The following ASB3 variants were observed in gnomAD, a reference collection of about 807,000 sequenced individuals.
The protein encoded by ASB3 is ankyrin repeat and SOCS box protein 3.
ASB3 carries 41 observed loss-of-function variants against 54.5 expected under a neutral mutation model. That is an observed-to-expected ratio of 0.75 (90% CI 0.59 to 0.98). The LOEUF (loss-of-function observed/expected upper bound fraction) is 0.98. Ranked by LOEUF, ASB3 falls within the 50% of genes least tolerant of loss-of-function variation. The pLI, the probability that ASB3 is intolerant of heterozygous loss-of-function variation, is 0.00. For missense variants in ASB3, 733 were observed against 620.0 expected, an observed-to-expected ratio of 1.18 and a Z score of -1.94; for synonymous variants, 266 against 221.2, an observed-to-expected ratio of 1.20 and a Z score of -1.80.
At chr2:53,755,178 G>C (rs987513902) in intron 2 of ASB3, among the ~76,000 whole-genome samples, 1 of 152,200 alleles carries the variant, frequency 6.6e-6, no homozygotes, top group Non-Finnish European at 1.5e-5. Context: ...TTCACAACTT[G>C]TGAGTTATTT....
rs534443425 is a variant in ASB3 at position 53,781,652 on chromosome 2, C to T, written c.-14+5169G>A. Among the ~76,000 whole-genome samples the T allele has an allele frequency of 9.2e-5, 14 of 152,172 alleles. No homozygotes were observed. In the South Asian group the frequency reaches 2.7e-3, roughly 29 times the overall value. Reference sequence around the variant, plus strand: ...CTGAGATTACAGGCATGAGCCACCACGCCTGTCTAATTTTCTATTTTCAGG... The same window carrying T: ...CTGAGATTACAGGCATGAGCCACCATGCCTGTCTAATTTTCTATTTTCAGG... On this transcript the variant is annotated intron_variant, in intron 1 of 9. Coordinates refer to ENST00000263634, the MANE Select transcript of ASB3 (RefSeq NM_016115.5).
At chr2:53,729,132 G>A (rs1436750944) in intron 4 of ASB3, among the ~76,000 whole-genome samples, 1 of 151,980 alleles carries the variant, frequency 6.6e-6, no homozygotes, top group Non-Finnish European at 1.5e-5. Context: ...AAAGCACTAA[G>A]GAGCCATCAC....
At chr2:53,734,665 T>C (rs561039534) in intron 3 of ASB3, among the ~76,000 whole-genome samples, 3 of 152,200 alleles carry the variant, frequency 2.0e-5, no homozygotes, top group African/African-American at 7.2e-5. Flanking sequence ...AAAATCATCA[T>C]CAAATTCAAT....
At chr2:53,780,417 AT>A (rs1370263935) in intron 1 of ASB3, among the ~76,000 whole-genome samples, 1 of 152,138 alleles carries the variant, frequency 6.6e-6, no homozygotes, top group Admixed American at 6.6e-5. Context: ...GCTATCAAGA[AT>A]CATATTTGGT....
intron 3 of ASB3, among the ~76,000 whole-genome samples, chr2:53,750,099 G>A (rs761659117): frequency 6.6e-6 from 1 of 152,004 alleles, no homozygotes; most frequent in African/African-American, 2.4e-5. Flanking sequence ...CAAATTACAT[G>A]TGGCAGGACC....
At chr2:53,671,988 G>A (rs1263408745) in intron 9 of ASB3, among the ~76,000 whole-genome samples, 1 of 152,166 alleles carries the variant, frequency 6.6e-6, no homozygotes, top group Non-Finnish European at 1.5e-5. Flanking sequence ...CAGCTAGTCT[G>A]ATTCCAGGTA....
At chr2:53,769,674 C>G (rs1354888449) in intron 1 of ASB3, among the ~76,000 whole-genome samples, 3 of 152,174 alleles carry the variant, frequency 2.0e-5, no homozygotes, top group Non-Finnish European at 4.4e-5. Context: ...TGGAGAAACC[C>G]CCTGTCTACT....
chr2:53,734,339 T>C (rs1671495149), intron 3 of ASB3, among the ~76,000 whole-genome samples: 1 of 152,220 alleles, frequency 6.6e-6, no homozygotes, highest in South Asian at 2.1e-4. Flanking sequence ...TTCCTTTCCC[T>C]AAAAATAAAA....
intron 2 of ASB3, among the ~76,000 whole-genome samples, chr2:53,759,801 C>T (rs575444939): frequency 2.0e-5 from 3 of 152,252 alleles, no homozygotes; most frequent in South Asian, 2.1e-4. Flanking sequence ...CCCCAGGGGA[C>T]GAAGGTCCTC....
chr2:53,731,172 C>A (rs189567411), intron 3 of ASB3, among the ~76,000 whole-genome samples: 1 of 152,150 alleles, frequency 6.6e-6, no homozygotes, highest in Admixed American at 6.5e-5. Flanking sequence ...GAGGCTAAGG[C>A]GGGTGGACCA....
At chr2:53,680,959 G>C (rs929396914) in intron 9 of ASB3, among the ~76,000 whole-genome samples, 1 of 150,668 alleles carries the variant, frequency 6.6e-6, no homozygotes, top group Non-Finnish European at 1.5e-5. Context: ...TTTTAGCTCC[G>C]TAAAAAAGTG....
intron 2 of ASB3, among the ~76,000 whole-genome samples, chr2:53,762,166 TCTAA>T (rs752692100): frequency 3.4e-4 from 50 of 145,004 alleles, no homozygotes; most frequent in East Asian, 6.3e-4. Context: ...TGAGAAGTGA[TCTAA>T]CTGTGTGTGT....
intron 6 of ASB3, 98 bp downstream of exon 6, chr2:53,716,468 T>C (rs1160168248): frequency 6.9e-7 from 1 of 1,439,474 alleles, no homozygotes; most frequent in Non-Finnish European, 9.4e-7. Context: ...GAAGAGAATA[T>C]CAAAGACTTT....
rs1312804503 is a variant in ASB3 at position 53,775,226 on chromosome 2, A to T, written c.-13-9641T>A. On this transcript the variant is annotated intron_variant, in intron 1 of 9. Coordinates refer to ENST00000263634, the MANE Select transcript of ASB3 (RefSeq NM_016115.5). ...GTAGTCTGTCATTCACTTTGTATTA[A>T]TCTTATACCAAAACTGAAAAAGATG... The T allele has an allele frequency of 5.9e-5, 9 of 152,634 alleles. No homozygotes were observed. In the East Asian group the frequency reaches 1.3e-3, roughly 23 times the overall value. 9.5% of individuals were successfully genotyped at this position (152,634 alleles called of 1,614,324 possible).
At chr2:53,676,389 C>A (rs752486664) in intron 9 of ASB3, among the ~76,000 whole-genome samples, 54 of 152,336 alleles carry the variant, frequency 3.5e-4, no homozygotes, top group African/African-American at 9.9e-4. Flanking sequence ...CATTCTTACA[C>A]ACCTTTTCCA....
chr2:53,698,495 A>T (rs1204179999), intron 8 of ASB3, among the ~76,000 whole-genome samples: 1 of 152,054 alleles, frequency 6.6e-6, no homozygotes, highest in South Asian at 2.1e-4. Context: ...ACATCTCTCT[A>T]TAAGTGGCCA....
intron 1 of ASB3, among the ~76,000 whole-genome samples, chr2:53,784,537 TC>T (rs1265550426): frequency 5.3e-5 from 8 of 152,132 alleles, no homozygotes; most frequent in African/African-American, 1.9e-4. Flanking sequence ...GCAGGGCTAT[TC>T]TCTCTCTCTG....
intron 1 of ASB3, among the ~76,000 whole-genome samples, chr2:53,781,323 G>A (rs985491408): frequency 3.3e-5 from 5 of 150,666 alleles, no homozygotes; most frequent in African/African-American, 1.2e-4. Flanking sequence ...GAGGTGGGAG[G>A]ATCACTTTAG....
At chr2:53,693,650 C>T (rs1324388353) in intron 9 of ASB3, among the ~76,000 whole-genome samples, 1 of 152,076 alleles carries the variant, frequency 6.6e-6, no homozygotes, top group African/African-American at 2.4e-5. Context: ...TATCAGTAAA[C>T]ATCTGCTTTT....
Sources: gnomAD v4.1 joint callset for allele counts (sites outside exome capture counted in the v4.1 genomes callset) on GRCh38, gnomAD v4.1.1 for gene constraint, MANE v1.5 for transcripts, NCBI Gene and HGNC (gene_info 2026-07-23, HGNC 2026-07-21) for gene names.